The following CCDC91 variants were observed in gnomAD, a reference collection of about 807,000 sequenced individuals.
CCDC91 encodes the protein coiled-coil domain containing 91.
In CCDC91, 48 loss-of-function variants were observed where a neutral mutation model predicts 63.2. The ratio of observed to expected loss-of-function variants is 0.76; its 90% CI spans 0.60 to 0.97. The LOEUF (loss-of-function observed/expected upper bound fraction) is 0.97. Ranked by LOEUF, CCDC91 falls within the 50% of genes least tolerant of loss-of-function variation. The pLI, the probability that CCDC91 is intolerant of heterozygous loss-of-function variation, is 0.00. For missense variants in CCDC91, 500 were observed against 494.6 expected (o/e 1.01, Z -0.10); for synonymous variants, 167 against 165.8 (o/e 1.01, Z -0.06).
intron 12 of CCDC91, among the ~76,000 whole-genome samples, chr12:28,486,004 G>A (rs1242058599): frequency 2.0e-5 from 3 of 152,074 alleles, no homozygotes; most frequent in Non-Finnish European, 4.4e-5. Context: ...CTTAACATGA[G>A]TTCTTCCTCT....
intron 3 of CCDC91, among the ~76,000 whole-genome samples, chr12:28,284,267 C>G (rs1948778247): frequency 6.6e-6 from 1 of 152,120 alleles, no homozygotes. Flanking sequence ...TTGAAGATGT[C>G]TAATGCAAAT....
intron 7 of CCDC91, among the ~76,000 whole-genome samples, chr12:28,375,416 C>G (rs960295188): frequency 6.6e-6 from 1 of 151,790 alleles, no homozygotes; most frequent in Non-Finnish European, 1.5e-5. Flanking sequence ...ATATCCACTT[C>G]GGAATAAAAG....
chr12:28,360,947 T>A (rs574684267), intron 6 of CCDC91, among the ~76,000 whole-genome samples: 15 of 151,982 alleles, frequency 9.9e-5, no homozygotes, highest in African/African-American at 3.6e-4. Context: ...CTTTAACATA[T>A]ATAGGACTAT....
At chr12:28,228,313 A>AATT (rs1944396108) in intron 1 of CCDC91, among the ~76,000 whole-genome samples, 1 of 152,120 alleles carries the variant, frequency 6.6e-6, no homozygotes, top group Admixed American at 6.6e-5. Flanking sequence ...CATGAAGAGT[A>AATT]AATTACTATC....
chr12:28,195,213 C>T (rs1316453541), intron 1 of CCDC91, among the ~76,000 whole-genome samples: 1 of 152,068 alleles, frequency 6.6e-6, no homozygotes, highest in Non-Finnish European at 1.5e-5. Flanking sequence ...ATTTACAAAC[C>T]TTTAGCTAGA....
chr12:28,310,124 TACTG>T (rs1939165996), intron 6 of CCDC91, among the ~76,000 whole-genome samples: 1 of 152,038 alleles, frequency 6.6e-6, no homozygotes. Flanking sequence ...TAGCCACACT[TACTG>T]ACCTCATCCT....
At chr12:28,342,782 A>G (rs1942528488) in intron 6 of CCDC91, among the ~76,000 whole-genome samples, 1 of 152,184 alleles carries the variant, frequency 6.6e-6, no homozygotes, top group Non-Finnish European at 1.5e-5. Context: ...TCAGGTACAT[A>G]CAGACTAGTG....
chr12:28,285,496 A>T (rs1948857597), intron 3 of CCDC91, among the ~76,000 whole-genome samples: 1 of 151,954 alleles, frequency 6.6e-6, no homozygotes, highest in Non-Finnish European at 1.5e-5. Context: ...GTTAAGTCAT[A>T]TTATGATCAA....
At chr12:28,276,112 A>G (rs1463130997) in intron 3 of CCDC91, among the ~76,000 whole-genome samples, 1 of 152,026 alleles carries the variant, frequency 6.6e-6, no homozygotes. Flanking sequence ...TTTTTCTTAG[A>G]TCCATGACCT....
At chr12:28,522,447 A>G (rs551684853) in intron 12 of CCDC91, among the ~76,000 whole-genome samples, 14 of 152,094 alleles carry the variant, frequency 9.2e-5, no homozygotes, top group African/African-American at 3.1e-4. Context: ...TATTGCGTCT[A>G]TTTGATTCTT....
intron 1 of CCDC91, among the ~76,000 whole-genome samples, chr12:28,197,855 G>A (rs1941902283): frequency 6.6e-6 from 1 of 151,986 alleles, no homozygotes; most frequent in South Asian, 2.1e-4. Context: ...TTGGCTATAT[G>A]CCATACAATT....
chr12:28,196,433 T>C (rs1284653819), intron 1 of CCDC91, among the ~76,000 whole-genome samples: 1 of 152,238 alleles, frequency 6.6e-6, no homozygotes, highest in Non-Finnish European at 1.5e-5. Flanking sequence ...TTTGTTTGCC[T>C]TTTATTTTGT....
intron 8 of CCDC91, among the ~76,000 whole-genome samples, chr12:28,414,071 CAAGA>C (rs1436940629): frequency 4.6e-5 from 7 of 152,108 alleles, no homozygotes; most frequent in African/African-American, 1.7e-4. Flanking sequence ...GGAACATTTC[CAAGA>C]AAGAAACTTA....
intron 8 of CCDC91, among the ~76,000 whole-genome samples, chr12:28,428,723 A>G (rs1272001285): frequency 6.6e-6 from 1 of 152,014 alleles, no homozygotes; most frequent in Non-Finnish European, 1.5e-5. Context: ...AAATATATCA[A>G]AAGAGTTTGA....
chr12:28,364,741 A>G (rs978331522), intron 7 of CCDC91, among the ~76,000 whole-genome samples: 9 of 152,154 alleles, frequency 5.9e-5, no homozygotes, highest in Non-Finnish European at 1.2e-4. Context: ...TATCACATGA[A>G]CTTCTCATGC....
chr12:28,273,923 T>C (rs1565712793), intron 3 of CCDC91, among the ~76,000 whole-genome samples: 1 of 152,234 alleles, frequency 6.6e-6, no homozygotes, highest in Non-Finnish European at 1.5e-5. Context: ...CCCAGGCCTA[T>C]GTCCTGAAGG....
At chr12:28,237,078 A>G (rs1476612004) in intron 1 of CCDC91, among the ~76,000 whole-genome samples, 1 of 151,992 alleles carries the variant, frequency 6.6e-6, no homozygotes, top group Non-Finnish European at 1.5e-5. Flanking sequence ...TGGAAAATAG[A>G]TCACTAAAAT....
intron 6 of CCDC91, among the ~76,000 whole-genome samples, chr12:28,340,897 A>C (rs1942368989): frequency 6.6e-6 from 1 of 152,160 alleles, no homozygotes; most frequent in Admixed American, 6.5e-5. Context: ...TACTGGAAGA[A>C]TTGGATCCCA....
rs200167712 is a variant in CCDC91, at chr12:28,218,731, A to G, written c.-15+28090A>G. ...TGTGTGTGTGTGTGTGTGTGTGTGT[A>G]TGTATGTATGTGTGTGTGTACGTAT... On this transcript the variant is annotated intron_variant, in intron 1 of 12. Transcript: ENST00000536442. Among the ~76,000 whole-genome samples the G allele has an allele frequency of 7.5e-3, 680 of 90,430 alleles. 18 individuals are homozygous for G. The highest frequency in any genetic ancestry group is 0.062 in the Admixed American group (617 of 9,954). The allele number at this position is 90,430 out of a possible 152,430, so 59.3% of individuals were successfully genotyped here.
Sources: gnomAD v4.1 joint callset for allele counts (sites outside exome capture counted in the v4.1 genomes callset) on GRCh38, gnomAD v4.1.1 for gene constraint, MANE v1.5 for transcripts, NCBI Gene and HGNC (gene_info 2026-07-23, HGNC 2026-07-21) for gene names.